The following TTC28 variants were observed in gnomAD, a reference collection of about 807,000 sequenced individuals.
TTC28 encodes tetratricopeptide repeat domain 28.
In TTC28, 61 loss-of-function variants were observed where a neutral mutation model predicts 198.0. The ratio of observed to expected loss-of-function variants is 0.31; its 90% confidence interval spans 0.25 to 0.38. TTC28 has a LOEUF of 0.38. Ranked by LOEUF, TTC28 falls within the 10% of genes least tolerant of loss-of-function variation. The pLI, the probability that TTC28 is intolerant of heterozygous loss-of-function variation, is 1.00. For synonymous variants in TTC28, 1,171 were observed against 1,297.8 expected (o/e 0.90, Z 2.10); for missense variants, 2,678 against 3,164.0 (o/e 0.85, Z 3.69).
intron 2 of TTC28, among the ~76,000 whole-genome samples, chr22:28,447,779 C>T (rs1222486396): frequency 6.6e-6 from 1 of 152,158 alleles, no homozygotes; most frequent in Non-Finnish European, 1.5e-5. Flanking sequence ...TCTAAAACTT[C>T]AAAGTGATAC....
intron 14 of TTC28, among the ~76,000 whole-genome samples, chr22:28,012,077 G>A (rs138668): frequency 0.079 from 12,084 of 152,262 alleles, 508 homozygotes; most frequent in South Asian, 0.091. Flanking sequence ...AGGCCTCAGG[G>A]CGAGCAGGAG....
At position 28,226,979 on chromosome 22, in the gene TTC28, G is replaced by A. The variant is rs565451033; in HGVS notation, c.934-63380C>T. Reference sequence around the variant, plus strand: ...TCACTCTGTCCACCCAGGCTGGAGTGCAGTAGAGCAATCATAGCTCACTGT... The same window carrying A: ...TCACTCTGTCCACCCAGGCTGGAGTACAGTAGAGCAATCATAGCTCACTGT... On this transcript the variant is annotated intron_variant, in intron 5 of 22. Coordinates refer to ENST00000397906, the MANE Select transcript of TTC28 (RefSeq NM_001145418.2). 9.2e-5 allele frequency among the ~76,000 whole-genome samples: 14 copies of A among 152,266 alleles called. 1 individual carries two copies. In the South Asian group the frequency reaches 2.3e-3, roughly 25 times the overall value.
intron 2 of TTC28, among the ~76,000 whole-genome samples, chr22:28,583,360 T>C (rs1296192517): frequency 6.6e-6 from 1 of 152,124 alleles, no homozygotes; most frequent in Non-Finnish European, 1.5e-5. Flanking sequence ...ATAAAATAAA[T>C]TGCACTGGGA....
At position 28,297,777 on chromosome 22, in the gene TTC28, A is replaced by G; in HGVS notation, c.605T>C (p.Val202Ala). ...DKSPFVVVSV[V>A]GQELLTAGHH... Reference sequence around the variant, plus strand: ...GCCAGCTGTCAGGAGTTCCTGCCCAACCACAGACACGACCACAAAGGGACT... The same window carrying G: ...GCCAGCTGTCAGGAGTTCCTGCCCAGCCACAGACACGACCACAAAGGGACT... Residue 202 changes from valine to alanine, a missense_variant, in exon 4 of 23, where the codon GTT becomes GCT. Physicochemically the swap from Val to Ala is moderately conservative, Grantham distance 64. Coordinates refer to ENST00000397906, the MANE Select transcript of TTC28 (RefSeq NM_001145418.2). 1 of 1,551,706 alleles carries G rather than the reference A, an allele frequency of 6.4e-7. No individual in the cohort carries two copies. The highest frequency in any genetic ancestry group is 1.2e-5 in the South Asian group (1 of 84,060).
At chr22:28,442,079 G>A (rs1456378103) in intron 2 of TTC28, among the ~76,000 whole-genome samples, 1 of 152,052 alleles carries the variant, frequency 6.6e-6, no homozygotes, top group Non-Finnish European at 1.5e-5. Flanking sequence ...CGTTATTTCT[G>A]GGACCAATAG....
At chr22:28,366,822 ACTGT>A (rs1330896233) in intron 2 of TTC28, among the ~76,000 whole-genome samples, 82 of 152,234 alleles carry the variant, frequency 5.4e-4, no homozygotes, top group African/African-American at 1.9e-3. Context: ...CAATACAAAA[ACTGT>A]AAGAAGAGAC....
At chr22:28,143,561 T>C (rs1298846992) in intron 6 of TTC28, among the ~76,000 whole-genome samples, 2 of 152,182 alleles carry the variant, frequency 1.3e-5, no homozygotes, top group Non-Finnish European at 2.9e-5. Flanking sequence ...ACTGCTATAA[T>C]TTAACACCCA....
chr22:28,064,449 G>A (rs1428207457), intron 12 of TTC28, among the ~76,000 whole-genome samples: 1 of 152,074 alleles, frequency 6.6e-6, no homozygotes, highest in East Asian at 1.9e-4. Context: ...CTCAAATTTT[G>A]TGTATAAACT....
chr22:28,202,625 C>A (rs145935353), intron 5 of TTC28, among the ~76,000 whole-genome samples: 72 of 151,958 alleles, frequency 4.7e-4, no homozygotes, highest in African/African-American at 1.6e-3. Flanking sequence ...ATAAAGATGT[C>A]AAACTAGCAG....
intron 2 of TTC28, among the ~76,000 whole-genome samples, chr22:28,413,836 G>A (rs936265226): frequency 2.0e-5 from 3 of 152,150 alleles, no homozygotes; most frequent in African/African-American, 7.2e-5. Context: ...AATGAAGGAG[G>A]ACTTTACTTG....
chr22:28,619,892 C>A (rs1040346980), intron 2 of TTC28, among the ~76,000 whole-genome samples: 1 of 152,036 alleles, frequency 6.6e-6, no homozygotes, highest in Non-Finnish European at 1.5e-5. Context: ...GGGGACCATG[C>A]GCAAAGAAAT....
At chr22:28,401,911 C>T (rs2046915848) in intron 2 of TTC28, among the ~76,000 whole-genome samples, 1 of 152,146 alleles carries the variant, frequency 6.6e-6, no homozygotes, top group Admixed American at 6.5e-5. Context: ...GCATTTAATT[C>T]ACAACTGCTA....
At chr22:28,480,314 A>G (rs1452410746) in intron 2 of TTC28, among the ~76,000 whole-genome samples, 1 of 152,132 alleles carries the variant, frequency 6.6e-6, no homozygotes, top group Non-Finnish European at 1.5e-5. Flanking sequence ...CATAGATCCT[A>G]AGGTTCCATG....
intron 5 of TTC28, among the ~76,000 whole-genome samples, chr22:28,274,743 G>A (rs924796520): frequency 4.9e-4 from 74 of 152,270 alleles, no homozygotes; most frequent in Middle Eastern, 6.8e-3. Context: ...CACTTTGGGG[G>A]CCGAGGCGGG....
intron 2 of TTC28, among the ~76,000 whole-genome samples, chr22:28,342,429 C>T (rs2045846021): frequency 6.6e-6 from 1 of 152,102 alleles, no homozygotes; most frequent in South Asian, 2.1e-4. Flanking sequence ...ACAACCATTG[C>T]CCAGAGACCA....
At position 28,569,699 on chromosome 22, in the gene TTC28, A is replaced by C. The variant is rs117414836; in HGVS notation, c.381+59853T>G. The stretch of plus-strand genomic sequence containing the variant: ...AAAAGCAATTGCAACAAAAGCAAAA[A>C]ATTGGCAAGTGGGACCTAATTAAAC... On this transcript the variant is annotated intron_variant, in intron 2 of 22. Transcript: ENST00000397906. Among the ~76,000 whole-genome samples the C allele has an allele frequency of 2.8e-4, 42 of 152,308 alleles. 1 individual carries two copies. In the East Asian group the frequency reaches 7.9e-3, roughly 29 times the overall value.
chr22:28,611,767 T>C lies in TTC28; in HGVS notation c.381+17785A>G, dbSNP rs1049548137. 3.3e-5 allele frequency among the ~76,000 whole-genome samples: 5 copies of C among 150,394 alleles called. No homozygotes were observed. The Admixed American group carries it at 3.3e-4, about 10-fold the overall frequency. On this transcript the variant is annotated intron_variant, in intron 2 of 22. Coordinates refer to ENST00000397906, the MANE Select transcript of TTC28 (RefSeq NM_001145418.2). Reference sequence around the variant, plus strand: ...AGTGAGAATATGCGGTGTTTGGTTTTTTGTTCTTGCGATAGTTTACTGAGA... The same window carrying C: ...AGTGAGAATATGCGGTGTTTGGTTTCTTGTTCTTGCGATAGTTTACTGAGA...
Position 28,215,062 on chromosome 22 carries a change from A to C in TTC28, c.934-51463T>G, listed in dbSNP as rs113137548. 3.9e-5 allele frequency among the ~76,000 whole-genome samples: 6 copies of C among 152,206 alleles called. No homozygotes were observed. In the East Asian group the frequency reaches 1.2e-3, roughly 29 times the overall value. ...AAACCAAACACCACATGTTCTCACT[A>C]ATAGGTGGGAACTGAACAATGAGAA... On this transcript the variant is annotated intron_variant, in intron 5 of 22. Coordinates refer to ENST00000397906, the MANE Select transcript of TTC28 (RefSeq NM_001145418.2).
At position 28,393,530 on chromosome 22, in the gene TTC28, C is replaced by A. The variant is rs1013816903; in HGVS notation, c.382-86887G>T. Among the ~76,000 whole-genome samples, 6 of 151,656 alleles carry A rather than the reference C, an allele frequency of 4.0e-5. No individual in the cohort carries two copies. In the East Asian group the frequency reaches 9.7e-4, roughly 25 times the overall value. On this transcript the variant is annotated intron_variant, in intron 2 of 22. Transcript: ENST00000397906. ...AACATAGTGAGACCTCATCTCCACA[C>A]AAAAAAATAAAGAACTAGCCAAGTA...
Sources: gnomAD v4.1 joint callset for allele counts (sites outside exome capture counted in the v4.1 genomes callset) on GRCh38, gnomAD v4.1.1 for gene constraint, MANE v1.5 for transcripts, NCBI Gene and HGNC (gene_info 2026-07-23, HGNC 2026-07-21) for gene names.